The following LSS variants were observed in gnomAD, a reference collection of about 807,000 sequenced individuals.
LSS encodes the protein lanosterol synthase.
Under a neutral mutation model 110.3 loss-of-function variants are expected in LSS, and 90 were observed. The observed-to-expected ratio is 0.82, with a 90% CI of 0.69 to 0.97. The LOEUF (loss-of-function observed/expected upper bound fraction) is 0.97. LSS is among the 50% of genes least tolerant of loss of function. The probability of loss-of-function intolerance (pLI) is 0.00; values close to 1 mark genes in which losing one functional copy is unlikely to be tolerated. For missense variants in LSS, 927 were observed against 990.0 expected, an observed-to-expected ratio of 0.94 and a Z score of 0.85; for synonymous variants, 433 against 400.0, an observed-to-expected ratio of 1.08 and a Z score of -0.98.
Position 46,207,424 on chromosome 21 carries a change from T to C in LSS, c.1467+4A>G, listed in dbSNP as rs1262850833. The stretch of plus-strand genomic sequence containing the variant: ...GGACGGGGCTGCTGGGACCACAGCC[T>C]TACCACAGCCACAGCATCGCAGAGC... On this transcript the variant is annotated splice_donor_region_variant and intron_variant, in intron 15 of 21. Coordinates refer to ENST00000397728, the MANE Select transcript of LSS (RefSeq NM_002340.6). 6.2e-7 allele frequency: 1 copy of C among 1,611,562 alleles called. No homozygotes were observed.
chr21:46,198,999 C>G (rs2079946047), intron 17 of LSS, among the ~76,000 whole-genome samples: 1 of 152,000 alleles, frequency 6.6e-6, no homozygotes, highest in Admixed American at 6.6e-5. Flanking sequence ...TTTTTAGATA[C>G]AACACCAAAA....
intron 20 of LSS, chr21:46,193,123 G>A (rs1601410178): frequency 2.2e-6 from 1 of 446,750 alleles, no homozygotes; most frequent in East Asian, 7.2e-5. Context: ...ACAGGTGCCT[G>A]TGCATGCATA....
chr21:46,210,938 GAC>G (rs1477332253), intron 11 of LSS, among the ~76,000 whole-genome samples, 194 bp from the exon 12 acceptor site: 1 of 152,148 alleles, frequency 6.6e-6, no homozygotes, highest in African/African-American at 2.4e-5. Context: ...CCTGCAGGCA[GAC>G]ACACGTCGGG....
At chr21:46,220,746 A>G (rs1286906217) in intron 5 of LSS, among the ~76,000 whole-genome samples, 1 of 136,686 alleles carries the variant, frequency 7.3e-6, no homozygotes, top group Non-Finnish European at 1.5e-5. Flanking sequence ...AGAGGTAGCC[A>G]GGCCGGGCAT....
In LSS at chr21:46,206,022, G is replaced by C; in HGVS notation, c.1565-81C>G. The C allele has an allele frequency of 3.6e-6, 4 of 1,111,774 alleles. No homozygotes were observed. In the South Asian group the frequency reaches 4.1e-5, roughly 11 times the overall value. 68.9% of individuals were successfully genotyped at this position (1,111,774 alleles called of 1,614,324 possible). A position where few individuals can be genotyped will look rare whatever the true frequency, so the allele number is the denominator to read the frequency against. ...TGCAGCTCAGGCAAAGCCACAACAA[G>C]CAAGAGTGTTGCAGTGAGCCCGGGC... is the stretch of plus-strand genomic sequence containing the variant. On this transcript the variant is annotated intron_variant, in intron 16 of 21. Coordinates refer to ENST00000397728, the MANE Select transcript of LSS (RefSeq NM_002340.6).
intron 17 of LSS, among the ~76,000 whole-genome samples, chr21:46,201,641 CAGG>C (rs2079979115): frequency 6.6e-6 from 1 of 152,072 alleles, no homozygotes; most frequent in Non-Finnish European, 1.5e-5. Context: ...TCAGAGTAAA[CAGG>C]AGCACTTTTC....
At position 46,215,746 on chromosome 21, in the gene LSS, C is replaced by G; in HGVS notation, c.831G>C (p.Arg277Ser). ...DFASIDWLAQ[R>S]NNVAPDELYT... ...ACAGCTCGTCGGGGGCCACGTTGTT[C>G]CTCTGCGCCAGCCAGTCAATGCTGG... The change falls in exon 8 of 22, where the codon AGG becomes AGC. Residue 277 changes from arginine (R) to serine (S), a missense_variant. By Grantham distance (110) the Arg-to-Ser change is moderately radical. Transcript: ENST00000397728. 1.2e-6 allele frequency: 2 copies of G among 1,612,868 alleles called. No homozygotes were observed. Among genetic ancestry groups the G allele is most frequent in the South Asian group, 2.2e-5 (2 of 90,962 alleles).
chr21:46,227,055 G>A (rs949105278), intron 3 of LSS, among the ~76,000 whole-genome samples: 3 of 152,168 alleles, frequency 2.0e-5, no homozygotes, highest in African/African-American at 4.8e-5. Flanking sequence ...ACACTCCCAG[G>A]ATGCAAAATA....
intron 13 of LSS, 144 bp from the exon 14 acceptor site, chr21:46,208,445 T>C (rs2080083347): frequency 5.2e-6 from 4 of 765,748 alleles, no homozygotes; most frequent in Non-Finnish European, 9.0e-6. Context: ...CAGCCACCAC[T>C]GGTGCTGCGA....
intron 9 of LSS, among the ~76,000 whole-genome samples, chr21:46,214,188 T>C (rs1359294934): frequency 1.3e-5 from 2 of 152,188 alleles, no homozygotes; most frequent in African/African-American, 2.4e-5. Flanking sequence ...GGACAGGGCC[T>C]GAGGGGCCCA....
At position 46,213,086 on chromosome 21, in the gene LSS, G is replaced by A. The variant is rs759433994; in HGVS notation, c.1110-34C>T. 5.6e-6 allele frequency: 9 copies of A among 1,609,162 alleles called. No individual in the cohort carries two copies. The East Asian group carries it at 6.7e-5, about 12-fold the overall frequency. On this transcript the variant is annotated intron_variant, in intron 10 of 21. Coordinates refer to ENST00000397728, the MANE Select transcript of LSS (RefSeq NM_002340.6). ...AGAAAAAAGCCCAAGTCAGGTGCAA[G>A]GAGAAAGCTGGAAGCCCAGCTGCTA...
At chr21:46,195,811 T>A in intron 18 of LSS, 55 bp from the exon 19 acceptor site, 1 of 1,432,398 alleles carries the variant, frequency 7.0e-7, no homozygotes, top group Non-Finnish European at 9.8e-7. Context: ...AGCCGGTGTG[T>A]GAAACAACAC....
intron 16 of LSS, 139 bp downstream of exon 16, chr21:46,206,533 G>A: frequency 1.4e-6 from 1 of 714,286 alleles, no homozygotes. Context: ...CTGGGCTGAG[G>A]GAGGGCTCCA....
Position 46,189,846 on chromosome 21 carries a change from G to A in LSS, c.*1258C>T, listed in dbSNP as rs2061989189. On this transcript the variant is annotated 3_prime_UTR_variant, in exon 22 of 22. Transcript: ENST00000397728. ...TCCTCCCAGTAGCCAGGGGAGAGCA[G>A]TGACAGTCTCAGGTGGCCCTGAGCA... 2.5e-6 allele frequency: 1 copy of A among 394,752 alleles called. No homozygotes were observed. The highest frequency in any genetic ancestry group is 5.0e-6 in the Non-Finnish European group (1 of 200,716). The allele number at this position is 394,752 out of a possible 1,614,324, so 24.5% of individuals were successfully genotyped here.
intron 13 of LSS, 47 bp from the exon 14 acceptor site, chr21:46,208,348 C>T (rs376849520): frequency 2.3e-4 from 334 of 1,474,450 alleles, no homozygotes; most frequent in African/African-American, 1.1e-3. Context: ...CACGTCACCA[C>T]GGGACGTCCC....
chr21:46,206,553 G>T, intron 16 of LSS, 119 bp downstream of exon 16: 2 of 811,494 alleles, frequency 2.5e-6, no homozygotes, highest in Non-Finnish European at 4.1e-6. Context: ...AGACAGATCT[G>T]CCGGTGAACC....
chr21:46,193,800 A>G (rs942897757), intron 20 of LSS: 1 of 381,744 alleles, frequency 2.6e-6, no homozygotes, highest in Non-Finnish European at 5.3e-6. Context: ...CACAGATGGG[A>G]TCCTGTGGGT....
At chr21:46,219,612 G>A (rs777999562) in intron 5 of LSS, 40 bp from the exon 6 acceptor site, 1 of 1,309,152 alleles carries the variant, frequency 7.6e-7, no homozygotes, top group Non-Finnish European at 1.1e-6. Context: ...TCTGCTTCCT[G>A]TCAGCAAAGT....
At position 46,209,386 on chromosome 21, in the gene LSS, C is replaced by A. The variant is rs746900757; in HGVS notation, c.1266+168G>T. Among the ~76,000 whole-genome samples the A allele has an allele frequency of 7.1e-6, 1 of 140,548 alleles. No individual in the cohort carries two copies. The highest frequency in any genetic ancestry group is 1.6e-5 in the Non-Finnish European group (1 of 63,944). 92.2% of individuals were successfully genotyped at this position (140,548 alleles called of 152,430 possible). Reference sequence around the variant, plus strand: ...CAGGTGAGGCCAGCCCGAGGAGGACCGGTGGATGGAGCAGGGGCTAGGGAG... The same window carrying A: ...CAGGTGAGGCCAGCCCGAGGAGGACAGGTGGATGGAGCAGGGGCTAGGGAG... On this transcript the variant is annotated intron_variant, in intron 13 of 21. Coordinates refer to ENST00000397728, the MANE Select transcript of LSS (RefSeq NM_002340.6). The surrounding 1 kb of genome is among the most constrained non-coding windows in gnomAD (Gnocchi z 4.4).
Sources: allele counts gnomAD v4.1 joint callset (sites outside exome capture counted in the v4.1 genomes callset), GRCh38; gene constraint gnomAD v4.1.1; non-coding constraint Gnocchi (gnomAD v3.1); transcripts MANE v1.5; gene names NCBI Gene and HGNC (gene_info 2026-07-23, HGNC 2026-07-21).